The following FBXO8 variants were observed in gnomAD, a reference collection of about 807,000 sequenced individuals.
The protein encoded by FBXO8 is F-box only protein 8.
Under a neutral mutation model 33.4 loss-of-function variants are expected in FBXO8, and 15 were observed. The observed-to-expected ratio is 0.45, with a 90% CI of 0.30 to 0.69. The LOEUF (loss-of-function observed/expected upper bound fraction) is 0.69, where lower values mean the gene tolerates loss of function less well. Among genes scored for constraint, FBXO8 ranks in the 30% least tolerant of loss-of-function variants. The probability of loss-of-function intolerance (pLI) is 0.08; values close to 1 mark genes in which losing one functional copy is unlikely to be tolerated. For missense variants in FBXO8, 274 were observed against 380.3 expected, an observed-to-expected ratio of 0.72 and a Z score of 2.32; for synonymous variants, 132 against 131.5, an observed-to-expected ratio of 1.00 and a Z score of -0.02.
At chr4:174,273,113 C>A (rs1473533677) in intron 1 of FBXO8, among the ~76,000 whole-genome samples, 1 of 151,928 alleles carries the variant, frequency 6.6e-6, no homozygotes, top group African/African-American at 2.4e-5. Flanking sequence ...CATAGCGAGA[C>A]CCTGTCTCTA....
chr4:174,256,996 T>A lies in FBXO8; in HGVS notation c.456+2703A>T, dbSNP rs1168134504. Among the ~76,000 whole-genome samples, 1 of 152,132 alleles carries A rather than the reference T, an allele frequency of 6.6e-6. No individual in the cohort carries two copies. Among genetic ancestry groups the A allele is most frequent in the Admixed American group, 6.6e-5 (1 of 15,254 alleles). On this transcript the variant is annotated intron_variant, in intron 3 of 5. Coordinates refer to ENST00000393674, the MANE Select transcript of FBXO8 (RefSeq NM_012180.3). This position sits in a 1 kb window ranked among gnomAD's most constrained non-coding sequence, Gnocchi z 4.6. ...AGTAAAATCTGAAGATCTAAAAATCTTATTTTAATTAATAACTTAAATCCC... is the reference window on the plus strand; with the variant it reads ...AGTAAAATCTGAAGATCTAAAAATCATATTTTAATTAATAACTTAAATCCC...
In FBXO8 at chr4:174,239,063, T is replaced by C. The variant is rs1407866828; in HGVS notation, c.703A>G (p.Ile235Val). 5 of 1,607,444 alleles carry C rather than the reference T, an allele frequency of 3.1e-6. No individual in the cohort carries two copies. Among genetic ancestry groups the C allele is most frequent in the South Asian group, 2.2e-5 (2 of 90,056 alleles). ...CAGAATCTATGTGAGAACTTTGTTATAAGAGTTTCAAGATACTCTCCACGC... is the reference window on the plus strand; with the variant it reads ...CAGAATCTATGTGAGAACTTTGTTACAAGAGTTTCAAGATACTCTCCACGC... Reference protein sequence around the residue: ...EERGEYLETLITKFSHRFCAC... With the variant: ...EERGEYLETLVTKFSHRFCAC... The change falls in exon 5 of 6, where the codon ATA becomes GTA. Residue 235 changes from isoleucine to valine, a missense_variant. Ile to Val is a conservative substitution (Grantham distance 29). Transcript: ENST00000393674.
chr4:174,237,613 G>A lies in FBXO8; in HGVS notation c.773-14C>T. 1 of 1,578,270 alleles carries A rather than the reference G, an allele frequency of 6.3e-7. No homozygotes were observed. The highest frequency in any genetic ancestry group is 2.3e-5 in the East Asian group (1 of 44,110). ...CATAGACAGCATCTGGAAAGAAAAA[G>A]AAACAGTTCAAATTATTAGTTGGTT... On this transcript the variant is annotated splice_polypyrimidine_tract_variant and intron_variant, in intron 5 of 5. Coordinates refer to ENST00000393674, the MANE Select transcript of FBXO8 (RefSeq NM_012180.3). This position sits in a 1 kb window ranked among gnomAD's most constrained non-coding sequence, Gnocchi z 4.4.
chr4:174,259,527 C>A lies in FBXO8; in HGVS notation c.456+172G>T, dbSNP rs568468605. 6.6e-6 allele frequency among the ~76,000 whole-genome samples: 1 copy of A among 151,802 alleles called. No homozygotes were observed. Among genetic ancestry groups the A allele is most frequent in the Admixed American group, 6.6e-5 (1 of 15,218 alleles). On this transcript the variant is annotated intron_variant, in intron 3 of 5. Transcript: ENST00000393674. This position sits in a 1 kb window ranked among gnomAD's most constrained non-coding sequence, Gnocchi z 4.3. Reference sequence around the variant, plus strand: ...AAGGTTAGAACGTGACATGGTAAGGCGAAGAAAAATGACTATGTCACATAG... The same window carrying A: ...AAGGTTAGAACGTGACATGGTAAGGAGAAGAAAAATGACTATGTCACATAG...
Position 174,247,706 on chromosome 4 carries a change from T to A in FBXO8, c.457-6488A>T, listed in dbSNP as rs966046957. Among the ~76,000 whole-genome samples the A allele has an allele frequency of 2.0e-5, 3 of 152,154 alleles. No individual in the cohort carries two copies. The East Asian group carries it at 5.8e-4, about 29-fold the overall frequency. ...AAATGTAACATTTTCAAACTGAAGA[T>A]AATGTAAAAATTAAGTGACACAATA... On this transcript the variant is annotated intron_variant, in intron 3 of 5. Coordinates refer to ENST00000393674, the MANE Select transcript of FBXO8 (RefSeq NM_012180.3). The surrounding 1 kb of genome is among the most constrained non-coding windows in gnomAD (Gnocchi z 4.6).
In FBXO8 at chr4:174,255,868, A is replaced by G. The variant is rs1447164142; in HGVS notation, c.456+3831T>C. Among the ~76,000 whole-genome samples, 1 of 152,240 alleles carries G rather than the reference A, an allele frequency of 6.6e-6. No homozygotes were observed. The highest frequency in any genetic ancestry group is 1.5e-5 in the Non-Finnish European group (1 of 68,040). ...ACACACAACTTGTACATGCAGGGAA[A>G]ATACAACTTAATGTAAACAGATGGT... On this transcript the variant is annotated intron_variant, in intron 3 of 5. Transcript: ENST00000393674. The surrounding 1 kb of genome is among the most constrained non-coding windows in gnomAD (Gnocchi z 4.3).
intron 1 of FBXO8, among the ~76,000 whole-genome samples, chr4:174,268,536 T>A (rs1286615270): frequency 6.6e-6 from 1 of 152,128 alleles, no homozygotes; most frequent in African/African-American, 2.4e-5. Flanking sequence ...TCCCAGTTTC[T>A]CGCCATTCTC....
At chr4:174,239,742 C>T (rs969651075) in intron 4 of FBXO8, among the ~76,000 whole-genome samples, 2 of 151,736 alleles carry the variant, frequency 1.3e-5, no homozygotes, top group Non-Finnish European at 3.0e-5. Flanking sequence ...TTTAATGGCA[C>T]AGTATCCTGT....
In FBXO8 at chr4:174,268,509, T is replaced by G. The variant is rs560464698; in HGVS notation, c.-8-5409A>C. ...GTGCAGTGGCGCGATCTCGGCTCAC[T>G]GCAAGTTCCGCCTCCCTCCCAGTTT... On this transcript the variant is annotated intron_variant, in intron 1 of 5. Transcript: ENST00000393674. Among the ~76,000 whole-genome samples, 9 of 152,326 alleles carry G rather than the reference T, an allele frequency of 5.9e-5. No individual in the cohort carries two copies. The East Asian group carries it at 1.7e-3, about 29-fold the overall frequency.
chr4:174,274,082 T>G lies in FBXO8; in HGVS notation c.-9+9328A>C, dbSNP rs1736898217. On this transcript the variant is annotated intron_variant, in intron 1 of 5. Coordinates refer to ENST00000393674, the MANE Select transcript of FBXO8 (RefSeq NM_012180.3). The surrounding 1 kb of genome is among the most constrained non-coding windows in gnomAD (Gnocchi z 4.0). Reference sequence around the variant, plus strand: ...TGGATGACAAAAGCAATTTACCATCTGTTTCTTCACCACTGGTTCTCATCT... The same window carrying G: ...TGGATGACAAAAGCAATTTACCATCGGTTTCTTCACCACTGGTTCTCATCT... Among the ~76,000 whole-genome samples the G allele has an allele frequency of 6.6e-6, 1 of 152,210 alleles. No individual in the cohort carries two copies. The highest frequency in any genetic ancestry group is 6.5e-5 in the Admixed American group (1 of 15,286).
intron 1 of FBXO8, among the ~76,000 whole-genome samples, chr4:174,273,337 A>G (rs76177827): frequency 8.0e-6 from 1 of 124,706 alleles, no homozygotes; most frequent in Admixed American, 7.5e-5. Flanking sequence ...AAAAAAAAAA[A>G]GAAAAGAAAA....
intron 1 of FBXO8, among the ~76,000 whole-genome samples, chr4:174,264,513 G>C (rs1736643408): frequency 6.6e-6 from 1 of 151,996 alleles, no homozygotes; most frequent in Non-Finnish European, 1.5e-5. Context: ...TTTGGGTAAT[G>C]GCCACTAAAT....
rs1390285290 is a variant in FBXO8, at chr4:174,275,052, ACGGACGAGT to A, written c.-9+8349_-9+8357del. ...AAAATATTTGTAAACCACATATCTG[ACGGACGAGT>A]ATCTAGAATATATAAACAACTCTCA... On this transcript the variant is annotated intron_variant, in intron 1 of 5. Coordinates refer to ENST00000393674, the MANE Select transcript of FBXO8 (RefSeq NM_012180.3). This position sits in a 1 kb window ranked among gnomAD's most constrained non-coding sequence, Gnocchi z 4.4. 1.3e-5 allele frequency among the ~76,000 whole-genome samples: 2 copies of A among 152,208 alleles called. No individual in the cohort carries two copies. The highest frequency in any genetic ancestry group is 2.4e-5 in the African/African-American group (1 of 41,448).
rs1456029206 is a variant in FBXO8 at position 174,265,031 on chromosome 4, A to G, written c.-8-1931T>C. Among the ~76,000 whole-genome samples the G allele has an allele frequency of 1.3e-5, 2 of 152,172 alleles. No individual in the cohort carries two copies. The highest frequency in any genetic ancestry group is 2.4e-5 in the African/African-American group (1 of 41,466). On this transcript the variant is annotated intron_variant, in intron 1 of 5. Coordinates refer to ENST00000393674, the MANE Select transcript of FBXO8 (RefSeq NM_012180.3). The surrounding 1 kb of genome is among the most constrained non-coding windows in gnomAD (Gnocchi z 4.7). The stretch of plus-strand genomic sequence containing the variant: ...AGCACATGAAAAGATGCTCAACATC[A>G]TATGTCGTGAGGGAACTGAAAATAA...
At chr4:174,260,750 T>C (rs1160584551) in intron 2 of FBXO8, among the ~76,000 whole-genome samples, 1 of 152,046 alleles carries the variant, frequency 6.6e-6, no homozygotes, top group Non-Finnish European at 1.5e-5. Flanking sequence ...CAAAAAGCCT[T>C]AAATATAAAT....
At chr4:174,258,162 C>T (rs74747299) in intron 3 of FBXO8, among the ~76,000 whole-genome samples, 3,419 of 152,204 alleles carry the variant, frequency 0.022, 132 homozygotes, top group African/African-American at 0.076. Flanking sequence ...TATGTAAGTG[C>T]AGCAGAATCT....
chr4:174,254,262 A>G lies in FBXO8; in HGVS notation c.456+5437T>C, dbSNP rs1307323464. 1.3e-5 allele frequency among the ~76,000 whole-genome samples: 2 copies of G among 152,156 alleles called. No individual in the cohort carries two copies. The highest frequency in any genetic ancestry group is 2.9e-5 in the Non-Finnish European group (2 of 68,016). On this transcript the variant is annotated intron_variant, in intron 3 of 5. Coordinates refer to ENST00000393674, the MANE Select transcript of FBXO8 (RefSeq NM_012180.3). The surrounding 1 kb of genome is among the most constrained non-coding windows in gnomAD (Gnocchi z 4.2). ...TTTCTCTTTCTTTATGCTATCTGGC[A>G]TTGTTTGAAGTATGTGTGTCTTACT...
rs1579032656 is a variant in FBXO8 at position 174,265,306 on chromosome 4, TTTTTATTTAGGTATTTA to T, written c.-8-2223_-8-2207del. On this transcript the variant is annotated intron_variant, in intron 1 of 5. Transcript: ENST00000393674. The surrounding 1 kb of genome is among the most constrained non-coding windows in gnomAD (Gnocchi z 4.7). ...TTTAGGTATTTACCTAATTAAAAGC[TTTTTATTTAGGTATTTA>T]CCTAATTAAAAGCTTTTTATTTAGG... Among the ~76,000 whole-genome samples, 1 of 143,478 alleles carries T rather than the reference TTTTTATTTAGGTATTTA, an allele frequency of 7.0e-6. No homozygotes were observed. Among genetic ancestry groups the T allele is most frequent in the East Asian group, 2.0e-4 (1 of 5,106 alleles). 94.1% of individuals were successfully genotyped at this position (143,478 alleles called of 152,430 possible). A position where few individuals can be genotyped will look rare whatever the true frequency, so the allele number is the denominator to read the frequency against.
chr4:174,273,255 C>T (rs1054050906), intron 1 of FBXO8, among the ~76,000 whole-genome samples: 15 of 150,554 alleles, frequency 1.0e-4, no homozygotes, highest in African/African-American at 3.2e-4. Flanking sequence ...CTACTGCACT[C>T]CAACCTGAGT....
Sources: gnomAD v4.1 joint callset for allele counts (sites outside exome capture counted in the v4.1 genomes callset) on GRCh38, gnomAD v4.1.1 for gene constraint, Gnocchi (gnomAD v3.1) non-coding constraint, MANE v1.5 for transcripts, NCBI Gene and HGNC (gene_info 2026-07-23, HGNC 2026-07-21) for gene names.